Variants in ZNF540 observed in about 807,000 individuals in gnomAD.
ZNF540 encodes CTD-3064H18.6.
In ZNF540, 3 loss-of-function variants were observed where a neutral mutation model predicts 11.8. That is an observed-to-expected ratio of 0.25 (90% confidence interval 0.12 to 0.65). The LOEUF (loss-of-function observed/expected upper bound fraction) is 0.65, where lower values mean the gene tolerates loss of function less well. Among genes scored for constraint, ZNF540 ranks in the 30% least tolerant of loss-of-function variants. ZNF540 has a pLI of 0.83. For synonymous variants in ZNF540, 247 were observed against 259.0 expected (o/e 0.95, Z 0.45); for missense variants, 709 against 793.1 (o/e 0.89, Z 1.27).
chr19:37,609,665 T>C lies in ZNF540; in HGVS notation c.233-1848T>C, dbSNP rs1014888519. Among the ~76,000 whole-genome samples the C allele has an allele frequency of 7.9e-5, 12 of 152,110 alleles. No individual in the cohort carries two copies. The South Asian group carries it at 1.0e-3, about 13-fold the overall frequency. ...GAGTTTGAGACCAGCCTGGCCAACA[T>C]AGTAAAACCCTGTCTCTACTAAAAA... On this transcript the variant is annotated intron_variant, in intron 4 of 4. Coordinates refer to ENST00000316433, the MANE Select transcript of ZNF540 (RefSeq NM_001172225.3).
chr19:37,581,264 AGT>A (rs1427341763), intron 1 of ZNF540, among the ~76,000 whole-genome samples: 2 of 152,254 alleles, frequency 1.3e-5, no homozygotes, highest in East Asian at 3.9e-4. Flanking sequence ...ATAATAGATT[AGT>A]CTCTTTTTAA....
chr19:37,603,295 G>A (rs1041965100), intron 4 of ZNF540, among the ~76,000 whole-genome samples: 1 of 152,118 alleles, frequency 6.6e-6, no homozygotes, highest in Non-Finnish European at 1.5e-5. Context: ...CACCATGCCT[G>A]GCCAGGAGTC....
At chr19:37,565,771 A>T in intron 1 of ZNF540, 1 of 1,613,856 alleles carries the variant, frequency 6.2e-7, no homozygotes, top group Non-Finnish European at 8.5e-7. Context: ...AAGGTTTTTC[A>T]TTAGTATGAA....
At chr19:37,600,832 C>A (rs2044033430) in intron 3 of ZNF540, among the ~76,000 whole-genome samples, 178 bp from the exon 4 acceptor site, 2 of 152,080 alleles carry the variant, frequency 1.3e-5, no homozygotes, top group Non-Finnish European at 2.9e-5. Flanking sequence ...CATCAAGTTT[C>A]TTTATTCTCT....
intron 1 of ZNF540, chr19:37,565,907 T>C (rs1387186035): frequency 1.9e-6 from 3 of 1,613,930 alleles, no homozygotes; most frequent in Non-Finnish European, 2.5e-6. Context: ...GCTAAAGGTA[T>C]TCCTGTGTTT....
At chr19:37,572,284 G>C (rs1049113113) in intron 1 of ZNF540, among the ~76,000 whole-genome samples, 2 of 152,130 alleles carry the variant, frequency 1.3e-5, no homozygotes, top group East Asian at 1.9e-4. Context: ...ACTTTGTGTG[G>C]TTTCAGTTAC....
At chr19:37,564,690 G>A (rs747980204) in intron 1 of ZNF540, 2 of 1,613,524 alleles carry the variant, frequency 1.2e-6, no homozygotes, top group South Asian at 2.2e-5. Flanking sequence ...TCACCAGTAT[G>A]GATCCTTTGA....
chr19:37,602,817 C>T (rs2044050284), intron 4 of ZNF540, among the ~76,000 whole-genome samples: 1 of 151,966 alleles, frequency 6.6e-6, no homozygotes, highest in Non-Finnish European at 1.5e-5. Context: ...CTGGTGGTGA[C>T]CTTGTGTTAA....
intron 1 of ZNF540, among the ~76,000 whole-genome samples, chr19:37,589,068 C>T (rs1259970928): frequency 6.6e-6 from 1 of 151,706 alleles, no homozygotes; most frequent in Non-Finnish European, 1.5e-5. Context: ...GGTGTGGTGG[C>T]GGGTGCTTGT....
chr19:37,553,148 TTTTG>T (rs1233060095), intron 1 of ZNF540, among the ~76,000 whole-genome samples: 7 of 72,790 alleles, frequency 9.6e-5, no homozygotes, highest in African/African-American at 3.6e-4. Flanking sequence ...TTTTTTTTTT[TTTTG>T]GAGACAGTCT....
In ZNF540 at chr19:37,601,522, A is replaced by C. The variant is rs532035409; in HGVS notation, c.232+417A>C. Among the ~76,000 whole-genome samples, 4 of 152,348 alleles carry C rather than the reference A, an allele frequency of 2.6e-5. No homozygotes were observed. In the South Asian group the frequency reaches 8.3e-4, roughly 32 times the overall value. On this transcript the variant is annotated intron_variant, in intron 4 of 4. Coordinates refer to ENST00000316433, the MANE Select transcript of ZNF540 (RefSeq NM_001172225.3). ...TATCAGTGCCTTGGTGAATAAGGCC[A>C]AAACCTCCCTACACTAATGGAATTA...
At chr19:37,604,810 G>A (rs956121013) in intron 4 of ZNF540, among the ~76,000 whole-genome samples, 2 of 152,024 alleles carry the variant, frequency 1.3e-5, no homozygotes, top group African/African-American at 4.8e-5. Context: ...CCCACTTTCA[G>A]CTCAGCCCGT....
Position 37,613,305 on chromosome 19 carries a change from T to G in ZNF540, c.*42T>G. The G allele has an allele frequency of 3.0e-6, 4 of 1,349,586 alleles. No individual in the cohort carries two copies. Among genetic ancestry groups the G allele is most frequent in the Non-Finnish European group, 3.9e-6 (4 of 1,024,758 alleles). 83.6% of individuals were successfully genotyped at this position (1,349,586 alleles called of 1,614,324 possible). ...CATGTCATGCTCTATTTATAGAATA[T>G]CAAAATATTTATGGCCAGAAGTTCT... On this transcript the variant is annotated 3_prime_UTR_variant, in exon 5 of 5. Transcript: ENST00000316433.
At chr19:37,606,310 TTATC>T (rs2044085015) in intron 4 of ZNF540, among the ~76,000 whole-genome samples, 1 of 152,218 alleles carries the variant, frequency 6.6e-6, no homozygotes, top group Non-Finnish European at 1.5e-5. Flanking sequence ...CTTATTTTAC[TTATC>T]TATTTACCAG....
At chr19:37,573,856 G>C (rs1600487762) in intron 1 of ZNF540, among the ~76,000 whole-genome samples, 2 of 150,478 alleles carry the variant, frequency 1.3e-5, no homozygotes, top group Non-Finnish European at 3.0e-5. Flanking sequence ...GAAAGAAAAA[G>C]AAAAAAGAAA....
intron 1 of ZNF540, among the ~76,000 whole-genome samples, chr19:37,572,715 T>C (rs1036451191): frequency 3.3e-5 from 5 of 152,330 alleles, no homozygotes; most frequent in Admixed American, 3.3e-4. Flanking sequence ...TTAGAAGTAA[T>C]CTGTTGGCCT....
At chr19:37,565,681 T>A in intron 1 of ZNF540, 1 of 1,613,780 alleles carries the variant, frequency 6.2e-7, no homozygotes, top group East Asian at 2.2e-5. Context: ...ATTCATATGG[T>A]TTCTCTCCTG....
chr19:37,583,990 G>A, intron 1 of ZNF540: 1 of 1,612,262 alleles, frequency 6.2e-7, no homozygotes, highest in Non-Finnish European at 8.5e-7. Context: ...TCAGGTTGCT[G>A]TAGTTCTCCA....
chr19:37,605,632 G>T (rs1293376047), intron 4 of ZNF540, among the ~76,000 whole-genome samples: 1 of 152,034 alleles, frequency 6.6e-6, no homozygotes, highest in African/African-American at 2.4e-5. Context: ...TGGGCAACAA[G>T]AGTGAAACTC....
Sources: gnomAD v4.1 joint callset for allele counts (sites outside exome capture counted in the v4.1 genomes callset) on GRCh38, gnomAD v4.1.1 for gene constraint, MANE v1.5 for transcripts, NCBI Gene and HGNC (gene_info 2026-07-23, HGNC 2026-07-21) for gene names.